Variants in HTR2C observed in about 807,000 individuals in gnomAD.
HTR2C encodes 5-hydroxytryptamine (serotonin) receptor 2C, G protein-coupled.
Under a neutral mutation model 21.0 loss-of-function variants are expected in HTR2C, and 5 were observed. The observed-to-expected ratio is 0.24, with a 90% confidence interval of 0.12 to 0.50. HTR2C has a LOEUF of 0.50. Among genes scored for constraint, HTR2C ranks in the 20% least tolerant of loss-of-function variants. The probability of loss-of-function intolerance (pLI) is 0.98; values close to 1 mark genes in which losing one functional copy is unlikely to be tolerated. For missense variants in HTR2C, 271 were observed against 371.2 expected (o/e 0.73, Z 2.22); for synonymous variants, 150 against 145.3 (o/e 1.03, Z -0.23).
Position 114,726,865 on chromosome X carries a change from G to T in HTR2C, c.-72G>T. 1.6e-6 allele frequency: 1 copy of T among 627,116 alleles called. No individual in the cohort carries two copies. The allele number at this position is 627,116 out of a possible 1,213,427, so 51.7% of individuals were successfully genotyped here. On this transcript the variant is annotated 5_prime_UTR_variant, in exon 3 of 6. The change abolishes an upstream ATG in the 5' untranslated region. Transcript: ENST00000276198. ...TTCTTTTTCTCTCCCCAGAAAGGAT[G>T]ATATGATGAACCTAGCCTGTTAATT...
intron 4 of HTR2C, among the ~76,000 whole-genome samples, chrX:114,840,096 A>G (rs1556465088): frequency 9.0e-6 from 1 of 111,349 alleles, no homozygotes; most frequent in East Asian, 2.8e-4. Flanking sequence ...TTTACAATCT[A>G]AAATATTTTA....
chrX:114,601,031 GCTAT>G (rs1272984433), intron 1 of HTR2C, among the ~76,000 whole-genome samples: 2 of 111,872 alleles, frequency 1.8e-5, no homozygotes, highest in Non-Finnish European at 3.8e-5. Context: ...ACATCTACCT[GCTAT>G]CTAAGAGTAT....
In HTR2C at chrX:114,701,167, C is replaced by T. The variant is rs111679559; in HGVS notation, c.-79-25691C>T. ...AACAAAAAGACAGCAGTAACCTCTGCAGACTTAAATGTCACTGTCTGACAG... is the reference window on the plus strand; with the variant it reads ...AACAAAAAGACAGCAGTAACCTCTGTAGACTTAAATGTCACTGTCTGACAG... On this transcript the variant is annotated intron_variant, in intron 2 of 5. Coordinates refer to ENST00000276198, the MANE Select transcript of HTR2C (RefSeq NM_000868.4). 6.2e-3 allele frequency among the ~76,000 whole-genome samples: 699 copies of T among 112,246 alleles called. 5 individuals carry two copies. The highest frequency in any genetic ancestry group is 0.021 in the African/African-American group (662 of 30,976).
intron 2 of HTR2C, among the ~76,000 whole-genome samples, chrX:114,711,458 A>C (rs1449072076): frequency 9.0e-6 from 1 of 111,702 alleles, no homozygotes; most frequent in African/African-American, 3.2e-5. Context: ...TTTTACCATA[A>C]ATTCTTACTT....
chrX:114,811,793 C>T (rs782721774), intron 4 of HTR2C, among the ~76,000 whole-genome samples: 105 of 112,163 alleles, frequency 9.4e-4, no homozygotes, highest in African/African-American at 3.4e-3. Flanking sequence ...ACTATCTGTT[C>T]CCAGCATGTG....
At chrX:114,855,790 A>C (rs1192331178) in intron 5 of HTR2C, among the ~76,000 whole-genome samples, 2 of 76,134 alleles carry the variant, frequency 2.6e-5, no homozygotes. Flanking sequence ...TTTTTTACCA[A>C]AGCTGTACAT....
chrX:114,883,502 G>A (rs1206394117), intron 5 of HTR2C, among the ~76,000 whole-genome samples: 1 of 109,910 alleles, frequency 9.1e-6, no homozygotes, highest in African/African-American at 3.3e-5. Flanking sequence ...TGTCTTAGAT[G>A]GAAGCTCAGG....
chrX:114,611,854 C>A (rs782121290), intron 1 of HTR2C, among the ~76,000 whole-genome samples: 23 of 110,850 alleles, frequency 2.1e-4, no homozygotes, highest in Non-Finnish European at 4.0e-4. Flanking sequence ...CCCGCCACCA[C>A]GCCCGGCTAT....
intron 2 of HTR2C, among the ~76,000 whole-genome samples, chrX:114,691,867 T>C (rs868917055): frequency 6.2e-5 from 7 of 112,100 alleles, no homozygotes; most frequent in South Asian, 7.3e-4. Context: ...ATACAATTAC[T>C]ACTAGCTTGG....
intron 4 of HTR2C, among the ~76,000 whole-genome samples, chrX:114,806,579 CATATAT>C (rs2147439526): frequency 1.1e-5 from 1 of 90,998 alleles, no homozygotes; most frequent in Admixed American, 1.3e-4. Flanking sequence ...TCATATATAT[CATATAT>C]ATCATATATA....
chrX:114,588,018 T>C (rs1927470853), intron 1 of HTR2C, among the ~76,000 whole-genome samples: 1 of 112,577 alleles, frequency 8.9e-6, no homozygotes, highest in South Asian at 3.6e-4. Context: ...AATTCTGTTT[T>C]TGTCTCCTAC....
chrX:114,684,376 G>T (rs1333886327), intron 2 of HTR2C, among the ~76,000 whole-genome samples: 1 of 111,590 alleles, frequency 9.0e-6, no homozygotes, highest in Non-Finnish European at 1.9e-5. Context: ...CTGGAAAAAA[G>T]TCTAAAGCTT....
chrX:114,864,899 TC>T (rs782170018), intron 5 of HTR2C, among the ~76,000 whole-genome samples: 1 of 42,788 alleles, frequency 2.3e-5, no homozygotes, highest in Admixed American at 4.7e-4. Context: ...TTTTTCTTTT[TC>T]TTTTTTTTTT....
chrX:114,592,529 A>G (rs782756035), intron 1 of HTR2C, among the ~76,000 whole-genome samples: 86 of 111,691 alleles, frequency 7.7e-4, no homozygotes, highest in African/African-American at 2.6e-3. Flanking sequence ...AGAGTGAGAA[A>G]TTATTAAAAA....
chrX:114,821,698 TAAG>T (rs1255486497), intron 4 of HTR2C, among the ~76,000 whole-genome samples: 14 of 110,937 alleles, frequency 1.3e-4, no homozygotes, highest in African/African-American at 4.2e-4. Context: ...CATTAGTTAT[TAAG>T]AAGATTACTA....
chrX:114,592,494 A>G (rs1556391416), intron 1 of HTR2C, among the ~76,000 whole-genome samples: 1 of 111,788 alleles, frequency 8.9e-6, no homozygotes, highest in Non-Finnish European at 1.9e-5. Flanking sequence ...AGTATAATAC[A>G]GAATACATTT....
At chrX:114,860,210 T>TA (rs2070995918) in intron 5 of HTR2C, among the ~76,000 whole-genome samples, 1 of 111,912 alleles carries the variant, frequency 8.9e-6, no homozygotes, top group African/African-American at 3.2e-5. Flanking sequence ...AGAGTTGTGT[T>TA]AAAATCTCTG....
At chrX:114,679,114 T>C (rs967566375) in intron 2 of HTR2C, among the ~76,000 whole-genome samples, 2 of 111,822 alleles carry the variant, frequency 1.8e-5, no homozygotes, top group East Asian at 2.8e-4. Flanking sequence ...TGAACAATTA[T>C]GAATTAAGCC....
chrX:114,830,455 T>C (rs1442306525), intron 4 of HTR2C, among the ~76,000 whole-genome samples: 1 of 111,353 alleles, frequency 9.0e-6, no homozygotes, highest in African/African-American at 3.3e-5. Flanking sequence ...CTGTTATTTA[T>C]TTTTCACATA....
Sources: allele counts gnomAD v4.1 joint callset (sites outside exome capture counted in the v4.1 genomes callset), GRCh38; gene constraint gnomAD v4.1.1; transcripts MANE v1.5; gene names NCBI Gene and HGNC (gene_info 2026-07-23, HGNC 2026-07-21).